C10orf67: variants seen among roughly 807,000 people sequenced by gnomAD.
C10orf67 encodes uncharacterized protein C10orf67, mitochondrial.
C10orf67 carries 60 observed loss-of-function variants against 35.6 expected under a neutral mutation model. The observed-to-expected ratio is 1.68, with a 90% confidence interval of 1.37 to 2.09. The LOEUF (loss-of-function observed/expected upper bound fraction) is 2.09, where lower values mean the gene tolerates loss of function less well. Among genes scored for constraint, C10orf67 ranks in the 30% most tolerant of loss-of-function variants. C10orf67 has a pLI of 0.00. For synonymous variants in C10orf67, 167 were observed against 115.8 expected, an observed-to-expected ratio of 1.44 and a Z score of -2.84; for missense variants, 474 against 330.2, an observed-to-expected ratio of 1.44 and a Z score of -3.38.
At chr10:23,231,434 C>T (rs1841912087) in intron 13 of C10orf67, among the ~76,000 whole-genome samples, 1 of 152,168 alleles carries the variant, frequency 6.6e-6, no homozygotes, top group Admixed American at 6.5e-5. Flanking sequence ...TAGGAGATGT[C>T]AGAGCAGTAA....
chr10:23,236,051 A>G (rs1460790179), intron 13 of C10orf67, among the ~76,000 whole-genome samples: 1 of 151,994 alleles, frequency 6.6e-6, no homozygotes, highest in African/African-American at 2.4e-5. Flanking sequence ...GATCGAGACC[A>G]TCCTGGCTAA....
At position 23,232,657 on chromosome 10, in the gene C10orf67, G is replaced by C. The variant is rs568504447; in HGVS notation, c.1434+7072C>G. ...GACCAAGGAGAATCAATATCCCAGC[G>C]TACCTGAAACCTCTTCAGGAAACTT... On this transcript the variant is annotated intron_variant, in intron 13 of 15. Transcript: ENST00000636213. 1.9e-4 allele frequency among the ~76,000 whole-genome samples: 29 copies of C among 152,192 alleles called. 2 individuals carry two copies. The highest frequency in any genetic ancestry group is 7.0e-4 in the African/African-American group (29 of 41,526).
chr10:23,236,454 C>CA (rs751556511), intron 13 of C10orf67, among the ~76,000 whole-genome samples: 6 of 150,064 alleles, frequency 4.0e-5, no homozygotes, highest in Admixed American at 2.6e-4. Flanking sequence ...ACAAAACAAA[C>CA]AAAAAACAAA....
At chr10:23,257,562 G>C (rs756811789) in intron 10 of C10orf67, among the ~76,000 whole-genome samples, 2 of 152,120 alleles carry the variant, frequency 1.3e-5, no homozygotes, top group African/African-American at 2.4e-5. Context: ...CAGCACTTTG[G>C]GGGGCCAAGG....
At chr10:23,260,564 A>C (rs761055455) in intron 10 of C10orf67, among the ~76,000 whole-genome samples, 50 of 152,246 alleles carry the variant, frequency 3.3e-4, no homozygotes, top group Non-Finnish European at 5.7e-4. Context: ...AACTCTAAAG[A>C]ACTGTCCCTT....
chr10:23,241,639 A>G (rs954772331), intron 12 of C10orf67, among the ~76,000 whole-genome samples: 2 of 152,210 alleles, frequency 1.3e-5, no homozygotes, highest in African/African-American at 4.8e-5. Context: ...TAATTATTCT[A>G]GATTATTTAG....
intron 2 of C10orf67, among the ~76,000 whole-genome samples, chr10:23,324,479 T>C (rs1465008524): frequency 6.6e-6 from 1 of 152,122 alleles, no homozygotes; most frequent in Non-Finnish European, 1.5e-5. Flanking sequence ...CGGGAAACAA[T>C]TACACATCCT....
At chr10:23,313,263 A>G (rs1285870730) in intron 4 of C10orf67, among the ~76,000 whole-genome samples, 1 of 152,242 alleles carries the variant, frequency 6.6e-6, no homozygotes, top group African/African-American at 2.4e-5. Flanking sequence ...AATGAGTACA[A>G]GGACTGGCTC....
intron 4 of C10orf67, among the ~76,000 whole-genome samples, chr10:23,306,816 T>C (rs571553070): frequency 6.6e-6 from 1 of 152,314 alleles, no homozygotes; most frequent in Non-Finnish European, 1.5e-5. Context: ...ATACAATGTA[T>C]TTCAAATCAT....
At chr10:23,228,572 A>T (rs1258218715) in intron 13 of C10orf67, among the ~76,000 whole-genome samples, 1 of 152,236 alleles carries the variant, frequency 6.6e-6, no homozygotes, top group Non-Finnish European at 1.5e-5. Flanking sequence ...TGGCAACAAA[A>T]GCCAAAATTG....
In C10orf67 at chr10:23,332,311, A is replaced by C. The variant is rs113153872; in HGVS notation, c.327+751T>G. ...AGTATAGTGGTATGCTACCTCATGT[A>C]ACAGCTTTGTTGATTAGGGTTTTTA... On this transcript the variant is annotated intron_variant, in intron 2 of 15. Transcript: ENST00000636213. Among the ~76,000 whole-genome samples, 312 of 152,314 alleles carry C rather than the reference A, an allele frequency of 2.0e-3. 1 individual carries two copies. Among genetic ancestry groups the C allele is most frequent in the African/African-American group, 7.0e-3 (291 of 41,578 alleles).
At chr10:23,319,597 TGG>T (rs1934455853) in intron 4 of C10orf67, among the ~76,000 whole-genome samples, 1 of 152,260 alleles carries the variant, frequency 6.6e-6, no homozygotes, top group Non-Finnish European at 1.5e-5. Flanking sequence ...CTTTCCACAG[TGG>T]CTGAACTAAT....
At chr10:23,230,652 C>T (rs920666616) in intron 13 of C10orf67, among the ~76,000 whole-genome samples, 1 of 152,026 alleles carries the variant, frequency 6.6e-6, no homozygotes, top group Admixed American at 6.6e-5. Context: ...CTGAAACCTG[C>T]AGTACCTAAA....
rs554662523 is a variant in C10orf67 at position 23,282,692 on chromosome 10, A to G, written c.910-614T>C. ...CTAAAAATACAAAAATTAGCTGGGCATGGTGGCATGTGCCTGTAATCCAAG... is the reference window on the plus strand; with the variant it reads ...CTAAAAATACAAAAATTAGCTGGGCGTGGTGGCATGTGCCTGTAATCCAAG... On this transcript the variant is annotated intron_variant, in intron 7 of 15. Transcript: ENST00000636213. Among the ~76,000 whole-genome samples, 7 of 152,130 alleles carry G rather than the reference A, an allele frequency of 4.6e-5. No individual in the cohort carries two copies. The East Asian group carries it at 1.4e-3, about 29-fold the overall frequency.
chr10:23,205,092 G>A (rs923839368), intron 15 of C10orf67, among the ~76,000 whole-genome samples: 1 of 152,210 alleles, frequency 6.6e-6, no homozygotes. Context: ...AGATAAAAAC[G>A]TGACAACCTC....
chr10:23,271,404 C>A (rs1843018974), intron 8 of C10orf67, among the ~76,000 whole-genome samples: 1 of 152,214 alleles, frequency 6.6e-6, no homozygotes, highest in Non-Finnish European at 1.5e-5. Flanking sequence ...TTTGTGTGAA[C>A]ATGTGCTTTT....
chr10:23,225,831 A>G (rs186524474), intron 13 of C10orf67, among the ~76,000 whole-genome samples: 2 of 152,320 alleles, frequency 1.3e-5, no homozygotes, highest in African/African-American at 2.4e-5. Context: ...TATCCTAAAT[A>G]TATATGCACC....
At chr10:23,277,616 C>T (rs1431821279) in intron 8 of C10orf67, among the ~76,000 whole-genome samples, 2 of 151,852 alleles carry the variant, frequency 1.3e-5, no homozygotes, top group South Asian at 2.1e-4. Flanking sequence ...AAGACAAAGC[C>T]ACTTTTGCTA....
intron 10 of C10orf67, among the ~76,000 whole-genome samples, chr10:23,263,027 A>T (rs1842792713): frequency 6.6e-6 from 1 of 152,230 alleles, no homozygotes; most frequent in African/African-American, 2.4e-5. Flanking sequence ...AAATATAGTA[A>T]ATATCCTTTG....
Sources: allele counts gnomAD v4.1 joint callset (sites outside exome capture counted in the v4.1 genomes callset), GRCh38; gene constraint gnomAD v4.1.1; transcripts MANE v1.5; gene names NCBI Gene and HGNC (gene_info 2026-07-23, HGNC 2026-07-21).